Variants in ZNF585B observed in about 807,000 individuals in gnomAD.
ZNF585B encodes zinc finger protein 41-like protein.
A neutral mutation model predicts 14.0 loss-of-function variants in ZNF585B; 7 were observed. The ratio of observed to expected loss-of-function variants is 0.50; its 90% CI spans 0.28 to 0.94. ZNF585B has a LOEUF of 0.94. ZNF585B is among the 40% of genes least tolerant of loss of function. The pLI, the probability that ZNF585B is intolerant of heterozygous loss-of-function variation, is 0.09. For missense variants in ZNF585B, 750 were observed against 924.4 expected, an observed-to-expected ratio of 0.81 and a Z score of 2.45; for synonymous variants, 290 against 317.3, an observed-to-expected ratio of 0.91 and a Z score of 0.91.
intron 2 of ZNF585B, among the ~76,000 whole-genome samples, chr19:37,202,052 C>T (rs994421552): frequency 5.9e-5 from 9 of 152,172 alleles, no homozygotes; most frequent in Admixed American, 3.9e-4. Context: ...CAGAGTTTCG[C>T]TCTTGTTGCC....
Position 37,185,926 on chromosome 19 carries a change from A to C in ZNF585B, c.1611T>G (p.Leu537=). Residue 537 remains leucine, a synonymous_variant, in exon 5 of 5, where the codon CTT becomes CTG. Coordinates refer to ENST00000532828, the MANE Select transcript of ZNF585B (RefSeq NM_152279.4). The part of the protein sequence containing the change: ...CGKAFTQKSN[L]NIHQKIHTGE... ...CAGTGTGAATTTTCTGATGTATATTAAGATTTGACTTCTGAGTAAAGGCTT... is the reference window on the plus strand; with the variant it reads ...CAGTGTGAATTTTCTGATGTATATTCAGATTTGACTTCTGAGTAAAGGCTT... The C allele has an allele frequency of 1.2e-6, 2 of 1,613,706 alleles. No homozygotes were observed. Among genetic ancestry groups the C allele is most frequent in the Non-Finnish European group, 1.7e-6 (2 of 1,179,870 alleles).
At chr19:37,206,280 C>T (rs533508235) in intron 2 of ZNF585B, among the ~76,000 whole-genome samples, 181 of 151,698 alleles carry the variant, frequency 1.2e-3, no homozygotes, top group African/African-American at 4.3e-3. Context: ...GGAGAAACCC[C>T]GTCTCTACTA....
Position 37,186,306 on chromosome 19 carries a change from T to C in ZNF585B, c.1231A>G (p.Ile411Val), listed in dbSNP as rs759209336. ...QRIHTGEKSY[I>V]CMKCGLAFIR... is the part of the protein sequence containing the mutation. ...AAGGCCAGTCCACATTTCATGCATA[T>C]ATACGATTTTTCTCCTGTATGAATT... is the stretch of plus-strand genomic sequence containing the variant. The change falls in exon 5 of 5, where the codon ATA (isoleucine) becomes GTA (valine). Residue 411 changes from isoleucine to valine, a missense_variant. Physicochemically the swap from Ile to Val is conservative, Grantham distance 29 (BLOSUM62 3). This residue lies in a region of ZNF585B where 517 missense variants were observed against 570.3 expected (regional missense o/e 0.91). Coordinates refer to ENST00000532828, the MANE Select transcript of ZNF585B (RefSeq NM_152279.4). 1 of 1,614,054 alleles carries C rather than the reference T, an allele frequency of 6.2e-7. No individual in the cohort carries two copies. The highest frequency in any genetic ancestry group is 1.3e-5 in the African/African-American group (1 of 75,036).
rs143881249 is a variant in ZNF585B at position 37,193,238 on chromosome 19, G to A, written c.73-3088C>T. ...TGTAATCCCAGCACTTTGGGAGGCC[G>A]AGGCGGGCAGATCATGAGATCAGAA... On this transcript the variant is annotated intron_variant, in intron 2 of 4. Transcript: ENST00000532828. Among the ~76,000 whole-genome samples the A allele has an allele frequency of 6.3e-3, 965 of 152,234 alleles. 27 individuals are homozygous for A. Among genetic ancestry groups the A allele is most frequent in the East Asian group, 0.052 (271 of 5,176 alleles).
intron 2 of ZNF585B, chr19:37,198,936 T>C: frequency 6.9e-7 from 1 of 1,447,864 alleles, no homozygotes; most frequent in East Asian, 2.5e-5. Context: ...TTTTGAAAGC[T>C]ACCTTGTTGA....
At chr19:37,202,678 T>C (rs1972543502) in intron 2 of ZNF585B, among the ~76,000 whole-genome samples, 1 of 151,280 alleles carries the variant, frequency 6.6e-6, no homozygotes, top group Non-Finnish European at 1.5e-5. Context: ...GTTTCGCGCT[T>C]GTTTTCCAGG....
chr19:37,208,104 C>T (rs553965569), intron 1 of ZNF585B, among the ~76,000 whole-genome samples: 7 of 152,258 alleles, frequency 4.6e-5, no homozygotes, highest in South Asian at 2.1e-4. Context: ...TCCCAAGTAG[C>T]TGGGACTACA....
intron 2 of ZNF585B, among the ~76,000 whole-genome samples, chr19:37,196,524 G>T (rs1972466920): frequency 6.6e-6 from 1 of 152,080 alleles, no homozygotes. Context: ...TTGTAACACA[G>T]ATTTCTTTTT....
At chr19:37,199,616 C>T (rs1385846261) in intron 2 of ZNF585B, 1 of 275,712 alleles carries the variant, frequency 3.6e-6, no homozygotes, top group Non-Finnish European at 7.3e-6. Flanking sequence ...ATACTATGAG[C>T]AAAAAGGATA....
Position 37,184,506 on chromosome 19 carries a change from G to GAA in ZNF585B, c.*719_*720dup, listed in dbSNP as rs1972308786. On this transcript the variant is annotated 3_prime_UTR_variant, in exon 5 of 5. Transcript: ENST00000532828. ...AAAGAAAGAAAGAAAGAAAGAAAGA[G>GAA]AAAGAAAGAAAGAAAAAGAAAAAAC... 1 of 136,786 alleles carries GAA rather than the reference G, an allele frequency of 7.3e-6. No individual in the cohort carries two copies. Among genetic ancestry groups the GAA allele is most frequent in the East Asian group, 2.4e-4 (1 of 4,254 alleles). The allele number at this position is 136,786 out of a possible 1,614,324, so 8.5% of individuals were successfully genotyped here. A position where few individuals can be genotyped will look rare whatever the true frequency, so the allele number is the denominator to read the frequency against.
intron 2 of ZNF585B, among the ~76,000 whole-genome samples, chr19:37,195,217 G>T (rs563473200): frequency 4.6e-5 from 7 of 151,120 alleles, no homozygotes; most frequent in Non-Finnish European, 5.9e-5. Flanking sequence ...GTGGTGGCAC[G>T]CACCTGTAGT....
chr19:37,189,031 G>A (rs1036660668), intron 4 of ZNF585B, among the ~76,000 whole-genome samples: 3 of 151,548 alleles, frequency 2.0e-5, no homozygotes, highest in Non-Finnish European at 4.4e-5. Context: ...TTCACTTCCC[G>A]GGTTCAAGTG....
chr19:37,203,238 T>C (rs1476309970), intron 2 of ZNF585B, among the ~76,000 whole-genome samples: 1 of 152,144 alleles, frequency 6.6e-6, no homozygotes, highest in African/African-American at 2.4e-5. Context: ...TTTCCCAAAA[T>C]TTCTAAGATT....
intron 2 of ZNF585B, among the ~76,000 whole-genome samples, chr19:37,206,143 T>C (rs1972584499): frequency 1.3e-5 from 2 of 150,048 alleles, no homozygotes; most frequent in South Asian, 2.1e-4. Flanking sequence ...AAGAACGGGA[T>C]GGCAATAAAA....
intron 1 of ZNF585B, among the ~76,000 whole-genome samples, chr19:37,209,385 G>A (rs910913661): frequency 6.6e-6 from 1 of 152,112 alleles, no homozygotes; most frequent in Non-Finnish European, 1.5e-5. Flanking sequence ...TTACAGGCGT[G>A]AGCCACCAGG....
In ZNF585B at chr19:37,187,233, A is replaced by T. The variant is rs753069441; in HGVS notation, c.304T>A (p.Trp102Arg). The T allele has an allele frequency of 1.2e-6, 2 of 1,605,790 alleles. No homozygotes were observed. The highest frequency in any genetic ancestry group is 1.7e-5 in the Admixed American group (1 of 58,498). The change falls in exon 5 of 5, where the codon TGG becomes AGG. Residue 102 changes from tryptophan (W) to arginine (R), a missense_variant. By Grantham distance (101) the Trp-to-Arg change is moderately radical. Coordinates refer to ENST00000532828, the MANE Select transcript of ZNF585B (RefSeq NM_152279.4). ...ATTTTTCTATGTTGATTATGGTCCCATAATTTCTCTCCTGTTGGAGTACAT... is the reference window on the plus strand; with the variant it reads ...ATTTTTCTATGTTGATTATGGTCCCTTAATTTCTCTCCTGTTGGAGTACAT... ...PRHSCPGEKL[W>R]DHNQHRKIIG...
intron 1 of ZNF585B, 118 bp from the exon 2 acceptor site, chr19:37,207,372 G>A (rs1311961669): frequency 4.6e-6 from 3 of 654,996 alleles, no homozygotes; most frequent in Non-Finnish European, 4.5e-6. Context: ...ACGTAGGTAT[G>A]CATTCAAGTC....
chr19:37,201,648 C>T (rs1348500148), intron 2 of ZNF585B, among the ~76,000 whole-genome samples: 1 of 152,136 alleles, frequency 6.6e-6, no homozygotes, highest in Non-Finnish European at 1.5e-5. Context: ...ATAATTCTCT[C>T]CATCTCTGCA....
At chr19:37,197,542 T>C (rs2145439464) in intron 2 of ZNF585B, among the ~76,000 whole-genome samples, 1 of 152,328 alleles carries the variant, frequency 6.6e-6, no homozygotes, top group African/African-American at 2.4e-5. Context: ...TCTAGATCCT[T>C]GAGGAATCGC....
Sources: allele counts gnomAD v4.1 joint callset (sites outside exome capture counted in the v4.1 genomes callset), GRCh38; gene constraint gnomAD v4.1.1; regional missense constraint gnomAD v4.1.1; transcripts MANE v1.5; gene names NCBI Gene and HGNC (gene_info 2026-07-23, HGNC 2026-07-21).